The following OS9 variants were observed in gnomAD, a reference collection of about 807,000 sequenced individuals.
The protein encoded by OS9 is protein OS-9.
In OS9, 58 loss-of-function variants were observed where a neutral mutation model predicts 84.7. That is an observed-to-expected ratio of 0.68 (90% confidence interval 0.55 to 0.85). OS9 has a LOEUF of 0.85. Among genes scored for constraint, OS9 ranks in the 40% least tolerant of loss-of-function variants. The pLI is 0.00. For missense variants in OS9, 760 were observed against 850.9 expected, an observed-to-expected ratio of 0.89 and a Z score of 1.33; for synonymous variants, 278 against 320.8, an observed-to-expected ratio of 0.87 and a Z score of 1.43.
chr12:57,715,843 C>T lies in OS9; in HGVS notation c.663C>T (p.Thr221=). 6.2e-7 allele frequency: 1 copy of T among 1,613,914 alleles called. No individual in the cohort carries two copies. Among genetic ancestry groups the T allele is most frequent in the Non-Finnish European group, 8.5e-7 (1 of 1,179,864 alleles). Residue 221 remains threonine (T), a synonymous_variant, in exon 6 of 15, where the codon ACC becomes ACT. Transcript: ENST00000315970. The stretch of plus-strand genomic sequence containing the variant: ...CCTTGTCCTGCTCTTATGTGCTGAC[C>T]ATTCGCACTCCTCGGCTCTGCCCCC... The part of the protein sequence containing the change: ...DEPLSCSYVL[T]IRTPRLCPHP...
chr12:57,706,075 T>G (rs1386972646), intron 5 of OS9, among the ~76,000 whole-genome samples: 1 of 152,206 alleles, frequency 6.6e-6, no homozygotes, highest in Non-Finnish European at 1.5e-5. Context: ...CATCCTTGAC[T>G]TGTTTCTGAC....
chr12:57,716,142 C>T lies in OS9; in HGVS notation c.841C>T (p.Pro281Ser), dbSNP rs1954484664. The change falls in exon 7 of 15, where the codon CCC (proline) becomes TCC (serine). Residue 281 changes from proline to serine, a missense_variant. Pro to Ser is a moderately conservative substitution (Grantham distance 74). Coordinates refer to ENST00000315970, the MANE Select transcript of OS9 (RefSeq NM_006812.4). ...CATAGAGGAGCTGCAAGATCTAGGC[C>T]CCCAAGTGTGGAGTGAGACCAAGTC... ...KIIEELQDLG[P>S]QVWSETKSGV... is the part of the protein sequence containing the mutation. 1.9e-6 allele frequency: 3 copies of T among 1,613,258 alleles called. No individual in the cohort carries two copies. Among genetic ancestry groups the T allele is most frequent in the Non-Finnish European group, 2.5e-6 (3 of 1,179,906 alleles).
rs1333134207 is a variant in OS9 at position 57,716,087 on chromosome 12, A to G, written c.791-5A>G. Reference sequence around the variant, plus strand: ...CTGGCCTGCTTGCATGCTGTTTCTCAGTAGACTCAAAGCAGTATGGAGATA... The same window carrying G: ...CTGGCCTGCTTGCATGCTGTTTCTCGGTAGACTCAAAGCAGTATGGAGATA... On this transcript the variant is annotated splice_polypyrimidine_tract_variant and splice_region_variant and intron_variant, in intron 6 of 14. Coordinates refer to ENST00000315970, the MANE Select transcript of OS9 (RefSeq NM_006812.4). 6.2e-7 allele frequency: 1 copy of G among 1,612,226 alleles called. No homozygotes were observed. The highest frequency in any genetic ancestry group is 1.1e-5 in the South Asian group (1 of 91,030).
chr12:57,714,583 G>A (rs1303733965), intron 5 of OS9, among the ~76,000 whole-genome samples: 1 of 152,088 alleles, frequency 6.6e-6, no homozygotes, highest in Non-Finnish European at 1.5e-5. Context: ...TGCCATTTCA[G>A]AAGTAGGACC....
In OS9 at chr12:57,721,035, C is replaced by T; in HGVS notation, c.*126C>T. 2 of 1,102,932 alleles carry T rather than the reference C, an allele frequency of 1.8e-6. No individual in the cohort carries two copies. The highest frequency in any genetic ancestry group is 2.6e-6 in the Non-Finnish European group (2 of 760,688). 68.3% of individuals were successfully genotyped at this position (1,102,932 alleles called of 1,614,324 possible). ...CAGAGTGGAGCTGAGCTGTGGACCT[C>T]TCGGGCAACTCTGTGGGTGTGGGGG... On this transcript the variant is annotated 3_prime_UTR_variant, in exon 15 of 15. Transcript: ENST00000315970.
Position 57,720,231 on chromosome 12 carries a change from A to T in OS9, c.1733A>T (p.Glu578Val). The change falls in exon 13 of 15, where the codon GAG becomes GTG. Residue 578 changes from glutamate to valine, a missense_variant. Coordinates refer to ENST00000315970, the MANE Select transcript of OS9 (RefSeq NM_006812.4). Reference sequence around the variant, plus strand: ...AAACAAATCGAGGGGCTGGTGAAGGAGCTGCTGGAGAGGGAGGGACTCACA... The same window carrying T: ...AAACAAATCGAGGGGCTGGTGAAGGTGCTGCTGGAGAGGGAGGGACTCACA... The part of the protein sequence containing the change: ...QLKQIEGLVK[E>V]LLEREGLTAA... The T allele has an allele frequency of 6.2e-7, 1 of 1,614,068 alleles. No individual in the cohort carries two copies. Among genetic ancestry groups the T allele is most frequent in the Non-Finnish European group, 8.5e-7 (1 of 1,180,022 alleles).
rs556973162 is a variant in OS9 at position 57,701,262 on chromosome 12, A to AT, written c.579+4920dup. On this transcript the variant is annotated intron_variant, in intron 5 of 14. Coordinates refer to ENST00000315970, the MANE Select transcript of OS9 (RefSeq NM_006812.4). ...CATGACATGGAACTCTGGTTGAGTG[A>AT]TTTTTTTTTTTTTTTTTTTTTTTTT... 6.1e-3 allele frequency among the ~76,000 whole-genome samples: 435 copies of AT among 71,464 alleles called. 39 individuals carry two copies. The highest frequency in any genetic ancestry group is 0.011 in the African/African-American group (182 of 17,330). The allele number at this position is 71,464 out of a possible 152,430, so 46.9% of individuals were successfully genotyped here.
Position 57,711,038 on chromosome 12 carries a change from CA to C in OS9, c.580-4699del, listed in dbSNP as rs35365273. 6.3e-3 allele frequency among the ~76,000 whole-genome samples: 450 copies of C among 71,778 alleles called. 4 individuals carry two copies. The highest frequency in any genetic ancestry group is 0.013 in the African/African-American group (241 of 18,836). 47.1% of individuals were successfully genotyped at this position (71,778 alleles called of 152,430 possible). On this transcript the variant is annotated intron_variant, in intron 5 of 14. Coordinates refer to ENST00000315970, the MANE Select transcript of OS9 (RefSeq NM_006812.4). ...TGGGTGACTGAGCAAGACTCCGTCTCAAAAAAAAAAAAAAAAAAAAAAAGAG... is the reference window on the plus strand; with the variant it reads ...TGGGTGACTGAGCAAGACTCCGTCTCAAAAAAAAAAAAAAAAAAAAAAGAG...
chr12:57,696,777 C>G (rs570586700), intron 5 of OS9, among the ~76,000 whole-genome samples: 1 of 150,948 alleles, frequency 6.6e-6, no homozygotes, highest in South Asian at 2.1e-4. Context: ...ACCTGGGTGA[C>G]AGAGTGAGAC....
rs7132646 is a variant in OS9, at chr12:57,695,460, T to G, written c.340-320T>G. The G allele has an allele frequency of 3.4e-3, 1,876 of 545,148 alleles. 24 individuals carry two copies. The highest frequency in any genetic ancestry group is 0.032 in the African/African-American group (1,696 of 52,528). The allele number at this position is 545,148 out of a possible 1,614,324, so 33.8% of individuals were successfully genotyped here. A position where few individuals can be genotyped will look rare whatever the true frequency, so the allele number is the denominator to read the frequency against. On this transcript the variant is annotated intron_variant, in intron 2 of 14. Coordinates refer to ENST00000315970, the MANE Select transcript of OS9 (RefSeq NM_006812.4). Reference sequence around the variant, plus strand: ...TATTTAATTTTGGGTTCTTCTATGTTTCCCTAATATAATTGCTTCAGGGAT... The same window carrying G: ...TATTTAATTTTGGGTTCTTCTATGTGTCCCTAATATAATTGCTTCAGGGAT...
At position 57,720,984 on chromosome 12, in the gene OS9, C is replaced by G; in HGVS notation, c.*75C>G. On this transcript the variant is annotated 3_prime_UTR_variant, in exon 15 of 15. Coordinates refer to ENST00000315970, the MANE Select transcript of OS9 (RefSeq NM_006812.4). ...GGCTTGCCTCCTCCCCACCTCCCCA[C>G]CCTGGAACCCCTGAGGGCCAAACAG... is the stretch of plus-strand genomic sequence containing the variant. The G allele has an allele frequency of 1.9e-6, 3 of 1,546,156 alleles. No individual in the cohort carries two copies. Among genetic ancestry groups the G allele is most frequent in the Non-Finnish European group, 2.7e-6 (3 of 1,124,300 alleles).
Position 57,694,176 on chromosome 12 carries a change from G to T in OS9, c.15G>T (p.Thr5=). The part of the protein sequence containing the change: MAAE[T]LLSSLLGLLL... ...GGGAACGAAAGATGGCGGCGGAAAC[G>T]CTGCTGTCCAGTTTGTTAGGACTGC... The change falls in exon 1 of 15, where the codon ACG becomes ACT. Residue 5 remains threonine (T), a synonymous_variant. Transcript: ENST00000315970. 7 of 1,614,160 alleles carry T rather than the reference G, an allele frequency of 4.3e-6. No individual in the cohort carries two copies. Among genetic ancestry groups the T allele is most frequent in the Non-Finnish European group, 5.1e-6 (6 of 1,179,998 alleles).
intron 5 of OS9, among the ~76,000 whole-genome samples, chr12:57,713,480 G>A (rs1954390466): frequency 6.6e-6 from 1 of 152,142 alleles, no homozygotes; most frequent in African/African-American, 2.4e-5. Flanking sequence ...TTCCGTGAGG[G>A]CAATCAGGGC....
At position 57,719,118 on chromosome 12, in the gene OS9, G is replaced by A; in HGVS notation, c.1536G>A (p.Leu512=). Residue 512 remains leucine (L), a synonymous_variant, in exon 12 of 15, where the codon CTG becomes CTA. Coordinates refer to ENST00000315970, the MANE Select transcript of OS9 (RefSeq NM_006812.4). ...TGGAGGAAAAACAGAGTCCAGAGCTGGTGAAGAAGCACAAGAAAAAGAGGG... is the reference window on the plus strand; with the variant it reads ...TGGAGGAAAAACAGAGTCCAGAGCTAGTGAAGAAGCACAAGAAAAAGAGGG... ...KRLEEKQSPE[L]VKKHKKKRVV... 6.2e-7 allele frequency: 1 copy of A among 1,614,114 alleles called. No homozygotes were observed. Among genetic ancestry groups the A allele is most frequent in the Non-Finnish European group, 8.5e-7 (1 of 1,180,022 alleles).
intron 5 of OS9, among the ~76,000 whole-genome samples, chr12:57,703,050 CT>C (rs1186284579): frequency 6.6e-6 from 1 of 151,946 alleles, no homozygotes; most frequent in Admixed American, 6.6e-5. Context: ...TTTTTACTAT[CT>C]TTTGTTTTGC....
rs1312028342 is a variant in OS9 at position 57,696,263 on chromosome 12, T to C, written c.481-12T>C. 6.3e-7 allele frequency: 1 copy of C among 1,598,026 alleles called. No individual in the cohort carries two copies. The highest frequency in any genetic ancestry group is 1.1e-5 in the South Asian group (1 of 90,148). On this transcript the variant is annotated splice_polypyrimidine_tract_variant and intron_variant, in intron 4 of 14. Coordinates refer to ENST00000315970, the MANE Select transcript of OS9 (RefSeq NM_006812.4). ...TCTCATGTCCCCCATTCCTGCCTCA[T>C]GTCTTCTCCAGGCCTCCAAGCAGCA...
intron 5 of OS9, among the ~76,000 whole-genome samples, chr12:57,704,554 T>G (rs1313352862): frequency 6.6e-6 from 1 of 152,012 alleles, no homozygotes; most frequent in African/African-American, 2.4e-5. Flanking sequence ...AAAAAGATAT[T>G]AGTCTATTGT....
intron 5 of OS9, 82 bp downstream of exon 5, chr12:57,696,455 G>C (rs1462178569): frequency 8.6e-6 from 2 of 232,640 alleles, no homozygotes; most frequent in South Asian, 4.1e-5. Flanking sequence ...TTATAGTCGG[G>C]GCGGGGGCGG....
At chr12:57,709,559 G>A (rs1339786088) in intron 5 of OS9, among the ~76,000 whole-genome samples, 2 of 152,210 alleles carry the variant, frequency 1.3e-5, no homozygotes, top group East Asian at 1.9e-4. Context: ...GTATGTTTGC[G>A]CTTGAAAGCA....
Sources: gnomAD v4.1 joint callset for allele counts (sites outside exome capture counted in the v4.1 genomes callset) on GRCh38, gnomAD v4.1.1 for gene constraint, MANE v1.5 for transcripts, NCBI Gene and HGNC (gene_info 2026-07-23, HGNC 2026-07-21) for gene names.